Variants in PTAR1 observed in about 807,000 individuals in gnomAD.
PTAR1 encodes protein prenyltransferase alpha subunit repeat-containing protein 1.
In PTAR1, 17 loss-of-function variants were observed where a neutral mutation model predicts 45.5. That is an observed-to-expected ratio of 0.37 (90% CI 0.26 to 0.56). The LOEUF (loss-of-function observed/expected upper bound fraction) is 0.56, where lower values mean the gene tolerates loss of function less well. PTAR1 is among the 20% of genes least tolerant of loss of function. The pLI is 0.77. For missense variants in PTAR1, 391 were observed against 476.3 expected (o/e 0.82, Z 1.67); for synonymous variants, 169 against 171.3 (o/e 0.99, Z 0.11).
At position 69,759,996 on chromosome 9, in the gene PTAR1, G is replaced by A; in HGVS notation, c.-58C>T. On this transcript the variant is annotated 5_prime_UTR_variant, in exon 1 of 8. Coordinates refer to ENST00000340434, the MANE Select transcript of PTAR1 (RefSeq NM_001099666.2). ...TCCGCGTGAGCCGGGCCGCCGGCGGGAGTTCCGCGGAGAACGAGCGCGCGC... is the reference window on the plus strand; with the variant it reads ...TCCGCGTGAGCCGGGCCGCCGGCGGAAGTTCCGCGGAGAACGAGCGCGCGC... 2 of 1,353,434 alleles carry A rather than the reference G, an allele frequency of 1.5e-6. No homozygotes were observed. The highest frequency in any genetic ancestry group is 1.5e-5 in the African/African-American group (1 of 64,690). The allele number at this position is 1,353,434 out of a possible 1,614,324, so 83.8% of individuals were successfully genotyped here. A position where few individuals can be genotyped will look rare whatever the true frequency, so the allele number is the denominator to read the frequency against.
At chr9:69,730,863 C>T (rs1305797300) in intron 5 of PTAR1, among the ~76,000 whole-genome samples, 1 of 151,986 alleles carries the variant, frequency 6.6e-6, no homozygotes, top group African/African-American at 2.4e-5. Flanking sequence ...GAGAAAGGAA[C>T]TAAAATCGAG....
rs1826494986 is a variant in PTAR1, at chr9:69,750,800, C to T, written c.237G>A (p.Lys79=). ...ACTTACCATCTCTGTTCAGCCATTG[C>T]TTTCTTGTTCTGTACAAAAGGAGCT... The part of the protein sequence containing the change: ...HNKLLLYRTR[K]QWLNRDELID... Residue 79 remains lysine (K), a synonymous_variant, in exon 2 of 8, where the codon AAG becomes AAA. Coordinates refer to ENST00000340434, the MANE Select transcript of PTAR1 (RefSeq NM_001099666.2). 2 of 1,607,474 alleles carry T rather than the reference C, an allele frequency of 1.2e-6. No individual in the cohort carries two copies. The highest frequency in any genetic ancestry group is 8.5e-7 in the Non-Finnish European group (1 of 1,177,462).
intron 1 of PTAR1, among the ~76,000 whole-genome samples, 198 bp from the exon 2 acceptor site, chr9:69,751,148 A>T (rs921869804): frequency 5.3e-5 from 8 of 152,150 alleles, no homozygotes; most frequent in Admixed American, 2.0e-4. Flanking sequence ...CTCTGTAGAC[A>T]GGAGTGAAAA....
At chr9:69,723,132 CTTA>C (rs900143712) in intron 6 of PTAR1, among the ~76,000 whole-genome samples, 191 bp downstream of exon 6, 10 of 37,044 alleles carry the variant, frequency 2.7e-4, no homozygotes, top group East Asian at 8.3e-4. Context: ...TGAGGAATCT[CTTA>C]TTAATGATGA....
At chr9:69,742,896 A>C (rs1201836930) in intron 2 of PTAR1, among the ~76,000 whole-genome samples, 1 of 152,128 alleles carries the variant, frequency 6.6e-6, no homozygotes, top group Non-Finnish European at 1.5e-5. Flanking sequence ...ATTCCTATAC[A>C]TTCAAATAAG....
Position 69,759,870 on chromosome 9 carries a change from G to A in PTAR1, c.69C>T (p.Phe23=), listed in dbSNP as rs374546492. ...QRVVKDITNA[F]RRNPHIDEIG... is the part of the protein sequence containing the mutation. Reference sequence around the variant, plus strand: ...CGACTCACATGTGTGGGTTCCTCCTGAAGGCGTTAGTGATGTCCTTCACAA... The same window carrying A: ...CGACTCACATGTGTGGGTTCCTCCTAAAGGCGTTAGTGATGTCCTTCACAA... The change falls in exon 1 of 8, where the codon TTC becomes TTT. Residue 23 remains phenylalanine, a synonymous_variant. Coordinates refer to ENST00000340434, the MANE Select transcript of PTAR1 (RefSeq NM_001099666.2). 62 of 1,530,292 alleles carry A rather than the reference G, an allele frequency of 4.1e-5. No individual in the cohort carries two copies. Among genetic ancestry groups the A allele is most frequent in the Non-Finnish European group, 5.1e-5 (58 of 1,138,342 alleles). The allele number at this position is 1,530,292 out of a possible 1,614,324, so 94.8% of individuals were successfully genotyped here. A position where few individuals can be genotyped will look rare whatever the true frequency, so the allele number is the denominator to read the frequency against.
In PTAR1 at chr9:69,736,572, A is replaced by G. The variant is rs527268490; in HGVS notation, c.324-2318T>C. Among the ~76,000 whole-genome samples the G allele has an allele frequency of 3.0e-4, 45 of 152,268 alleles. 1 individual carries two copies. Among genetic ancestry groups the G allele is most frequent in the African/African-American group, 5.3e-4 (22 of 41,556 alleles). ...CATTAAAGTTTAAAAAACAACTACT[A>G]TAATGAATTTATTGTATTATGCTTA... On this transcript the variant is annotated intron_variant, in intron 3 of 7. Transcript: ENST00000340434.
At chr9:69,727,066 T>G (rs1279471642) in intron 5 of PTAR1, among the ~76,000 whole-genome samples, 1 of 150,880 alleles carries the variant, frequency 6.6e-6, no homozygotes, top group Admixed American at 6.6e-5. Flanking sequence ...TACACACACA[T>G]ATATATATAC....
Position 69,715,870 on chromosome 9 carries a change from AT to A in PTAR1, c.*2471del, listed in dbSNP as rs1824708789. 1 of 152,194 alleles carries A rather than the reference AT, an allele frequency of 6.6e-6. No individual in the cohort carries two copies. 9.4% of individuals were successfully genotyped at this position (152,194 alleles called of 1,614,324 possible). A position where few individuals can be genotyped will look rare whatever the true frequency, so the allele number is the denominator to read the frequency against. ...CACACAAAAGTTACATACTAACAGT[AT>A]CCTTTGGGTATTTGCATTTTTGCTC... On this transcript the variant is annotated 3_prime_UTR_variant, in exon 8 of 8. Transcript: ENST00000340434.
chr9:69,720,400 G>A (rs1358520436), intron 6 of PTAR1, among the ~76,000 whole-genome samples: 1 of 152,186 alleles, frequency 6.6e-6, no homozygotes, highest in African/African-American at 2.4e-5. Flanking sequence ...GACTGAGAGA[G>A]GTGAGGAAGT....
At chr9:69,759,764 C>A in intron 1 of PTAR1, 89 bp downstream of exon 1, 1 of 1,340,312 alleles carries the variant, frequency 7.5e-7, no homozygotes, top group South Asian at 1.4e-5. Flanking sequence ...GACCCGCTGT[C>A]CGCCCGCCGC....
At chr9:69,725,624 C>T (rs927946703) in intron 5 of PTAR1, among the ~76,000 whole-genome samples, 2 of 151,512 alleles carry the variant, frequency 1.3e-5, no homozygotes, top group Non-Finnish European at 2.9e-5. Flanking sequence ...ATATTTTCAA[C>T]AAAATCAATT....
chr9:69,755,644 A>AC (rs112533462), intron 1 of PTAR1, among the ~76,000 whole-genome samples: 22,001 of 151,910 alleles, frequency 0.14, 1,728 homozygotes, highest in East Asian at 0.27. Context: ...TTCTGCTCCC[A>AC]CCCCCCAAAA....
chr9:69,736,148 A>C (rs1280010215), intron 3 of PTAR1, among the ~76,000 whole-genome samples: 2 of 152,164 alleles, frequency 1.3e-5, no homozygotes, highest in East Asian at 1.9e-4. Context: ...CCTGACTGCA[A>C]CATCAGCATC....
chr9:69,724,306 T>C (rs899154802), intron 5 of PTAR1, among the ~76,000 whole-genome samples: 2 of 152,338 alleles, frequency 1.3e-5, no homozygotes, highest in African/African-American at 4.8e-5. Flanking sequence ...GTTTAAATCT[T>C]TGTGATACCA....
chr9:69,725,130 C>CT (rs1825206746), intron 5 of PTAR1, among the ~76,000 whole-genome samples: 1 of 152,054 alleles, frequency 6.6e-6, no homozygotes, highest in East Asian at 1.9e-4. Flanking sequence ...AATACAGCAG[C>CT]TTTTTTATTT....
intron 1 of PTAR1, among the ~76,000 whole-genome samples, chr9:69,755,377 G>C (rs1035885976): frequency 1.3e-5 from 2 of 152,292 alleles, no homozygotes; most frequent in African/African-American, 4.8e-5. Flanking sequence ...CACAGTTCAT[G>C]TAACACTGAT....
chr9:69,729,544 C>G (rs1337885827), intron 5 of PTAR1, among the ~76,000 whole-genome samples: 1 of 152,144 alleles, frequency 6.6e-6, no homozygotes, highest in Non-Finnish European at 1.5e-5. Flanking sequence ...TATTTAATAG[C>G]CAGTGTTTAT....
chr9:69,709,883 C>A lies in PTAR1; in HGVS notation c.*8459G>T, dbSNP rs555335760. 1 of 151,964 alleles carries A rather than the reference C, an allele frequency of 6.6e-6. No individual in the cohort carries two copies. The highest frequency in any genetic ancestry group is 1.5e-5 in the Non-Finnish European group (1 of 67,954). 9.4% of individuals were successfully genotyped at this position (151,964 alleles called of 1,614,324 possible). On this transcript the variant is annotated 3_prime_UTR_variant, in exon 8 of 8. Transcript: ENST00000340434. Reference sequence around the variant, plus strand: ...AAGAAACAGGACAGAATTTAGTGAACGCAACTTAAAAATTTGTTAATGTAG... The same window carrying A: ...AAGAAACAGGACAGAATTTAGTGAAAGCAACTTAAAAATTTGTTAATGTAG...
Sources: gnomAD v4.1 joint callset for allele counts (sites outside exome capture counted in the v4.1 genomes callset) on GRCh38, gnomAD v4.1.1 for gene constraint, MANE v1.5 for transcripts, NCBI Gene and HGNC (gene_info 2026-07-23, HGNC 2026-07-21) for gene names.